Variants in CUL5 observed in about 807,000 individuals in gnomAD.
CUL5 encodes cullin-5.
Under a neutral mutation model 108.8 loss-of-function variants are expected in CUL5, and 26 were observed. The observed-to-expected ratio is 0.24, with a 90% CI of 0.18 to 0.33. The LOEUF is 0.33. CUL5 is among the 10% of genes least tolerant of loss of function. The pLI, the probability that CUL5 is intolerant of heterozygous loss-of-function variation, is 1.00. For missense variants in CUL5, 524 were observed against 909.2 expected (o/e 0.58, Z 5.45); for synonymous variants, 334 against 298.0 (o/e 1.12, Z -1.25).
At chr11:108,022,112 A>G (rs1313282599) in intron 1 of CUL5, among the ~76,000 whole-genome samples, 2 of 126,268 alleles carry the variant, frequency 1.6e-5, no homozygotes, top group African/African-American at 5.4e-5. Context: ...AATTATAGGC[A>G]TGAGCCCTCT....
At chr11:108,059,111 T>G (rs1048614938) in intron 7 of CUL5, among the ~76,000 whole-genome samples, 2 of 152,190 alleles carry the variant, frequency 1.3e-5, no homozygotes, top group African/African-American at 4.8e-5. Flanking sequence ...TTCCTGGCCT[T>G]CAGCAGTCTT....
At chr11:108,089,031 G>C (rs1465732179) in intron 12 of CUL5, among the ~76,000 whole-genome samples, 1 of 152,008 alleles carries the variant, frequency 6.6e-6, no homozygotes, top group Admixed American at 6.6e-5. Context: ...AATGAGAGTA[G>C]ATTAAGTAGT....
chr11:108,098,576 T>G (rs1163792401), intron 18 of CUL5, 47 bp downstream of exon 18: 4 of 1,228,650 alleles, frequency 3.3e-6, no homozygotes, highest in African/African-American at 1.6e-5. Context: ...AACTTTAGTT[T>G]TTTTTTTTTT....
intron 1 of CUL5, among the ~76,000 whole-genome samples, chr11:108,020,574 G>T (rs1267327094): frequency 6.6e-6 from 1 of 151,692 alleles, no homozygotes; most frequent in Non-Finnish European, 1.5e-5. Context: ...TAGAGACAGG[G>T]TCTCACCACG....
intron 2 of CUL5, among the ~76,000 whole-genome samples, chr11:108,045,598 A>T (rs1242510117): frequency 3.3e-5 from 5 of 152,128 alleles, no homozygotes; most frequent in African/African-American, 2.4e-5. Context: ...CATGGTGGCT[A>T]ACACTTTTAA....
At chr11:108,091,060 CT>C (rs1270464573) in intron 13 of CUL5, among the ~76,000 whole-genome samples, 1 of 150,946 alleles carries the variant, frequency 6.6e-6, no homozygotes, top group Non-Finnish European at 1.5e-5. Flanking sequence ...TTCTTTTTTT[CT>C]TTTTTTTGGA....
At chr11:108,059,509 C>A (rs2135151676) in intron 7 of CUL5, among the ~76,000 whole-genome samples, 1 of 152,204 alleles carries the variant, frequency 6.6e-6, no homozygotes, top group East Asian at 1.9e-4. Flanking sequence ...GGATTTGAAT[C>A]CCACAGATGT....
intron 1 of CUL5, among the ~76,000 whole-genome samples, chr11:108,011,253 C>T (rs1463867570): frequency 6.6e-6 from 1 of 152,144 alleles, no homozygotes; most frequent in Non-Finnish European, 1.5e-5. Flanking sequence ...GGAGAAGCTA[C>T]TTTGGTCTAT....
At position 108,090,494 on chromosome 11, in the gene CUL5, AAAAAT is replaced by A. The variant is rs202007296; in HGVS notation, c.1443+880_1443+884del. On this transcript the variant is annotated intron_variant, in intron 13 of 18. Coordinates refer to ENST00000393094, the MANE Select transcript of CUL5 (RefSeq NM_003478.6). ...TGACAGAGCAAGACTCCATCTCAAG[AAAAAT>A]AAAATAAATAAATAGACTGCAGGAC... Among the ~76,000 whole-genome samples, 1,335 of 152,294 alleles carry A rather than the reference AAAAAT, an allele frequency of 8.8e-3. 6 individuals are homozygous for A. Among genetic ancestry groups the A allele is most frequent in the Non-Finnish European group, 0.012 (838 of 68,024 alleles).
At chr11:108,062,317 C>T (rs1244496858) in intron 7 of CUL5, among the ~76,000 whole-genome samples, 1 of 151,924 alleles carries the variant, frequency 6.6e-6, no homozygotes, top group Non-Finnish European at 1.5e-5. Flanking sequence ...GGTAAAAGTC[C>T]CTGAACCTTT....
chr11:108,030,570 G>A lies in CUL5; in HGVS notation c.25-3232G>A, dbSNP rs1862555952. On this transcript the variant is annotated intron_variant, in intron 1 of 18. Coordinates refer to ENST00000393094, the MANE Select transcript of CUL5 (RefSeq NM_003478.6). ...GAGAATCGCTTGAACCCGGGAGGCG[G>A]AGGTTGCGGTGAGCTGAGATCGTGC... is the stretch of plus-strand genomic sequence containing the variant. 1.3e-5 allele frequency among the ~76,000 whole-genome samples: 2 copies of A among 152,212 alleles called. 1 individual carries two copies. Among genetic ancestry groups the A allele is most frequent in the South Asian group, 4.1e-4 (2 of 4,826 alleles).
chr11:108,057,543 ATC>A (rs1378823758), intron 7 of CUL5, among the ~76,000 whole-genome samples: 3 of 152,174 alleles, frequency 2.0e-5, no homozygotes, highest in Non-Finnish European at 4.4e-5. Context: ...AAAATGTGTA[ATC>A]TTACTGTAAT....
chr11:108,050,324 C>A (rs890141052), intron 4 of CUL5, among the ~76,000 whole-genome samples: 3 of 151,428 alleles, frequency 2.0e-5, no homozygotes, highest in African/African-American at 7.3e-5. Context: ...TTACTTTCTC[C>A]TTCTCCTGGT....
intron 1 of CUL5, among the ~76,000 whole-genome samples, chr11:108,011,604 A>C (rs975927419): frequency 1.3e-5 from 2 of 152,104 alleles, no homozygotes; most frequent in South Asian, 2.1e-4. Flanking sequence ...CATAAAAAAA[A>C]CCACCAGCTT....
chr11:108,068,054 G>C, intron 7 of CUL5, among the ~76,000 whole-genome samples: 1 of 151,810 alleles, frequency 6.6e-6, no homozygotes, highest in East Asian at 1.9e-4. Flanking sequence ...TCAGCCTCCC[G>C]AGTAGCTGGG....
chr11:108,015,040 C>A (rs542557358), intron 1 of CUL5, among the ~76,000 whole-genome samples: 3 of 152,114 alleles, frequency 2.0e-5, no homozygotes, highest in Admixed American at 6.5e-5. Flanking sequence ...TTGGGATTAC[C>A]GGTGACCACC....
At chr11:108,075,633 T>C (rs1863923205) in intron 10 of CUL5, among the ~76,000 whole-genome samples, 1 of 152,156 alleles carries the variant, frequency 6.6e-6, no homozygotes, top group Non-Finnish European at 1.5e-5. Flanking sequence ...ACTCCTGGGC[T>C]CAAGCAATCC....
intron 13 of CUL5, among the ~76,000 whole-genome samples, chr11:108,090,332 C>CA (rs1246055586): frequency 6.6e-6 from 1 of 151,434 alleles, no homozygotes; most frequent in Non-Finnish European, 1.5e-5. Flanking sequence ...ATTAAAAATA[C>CA]AAAAAAATTA....
At chr11:108,054,243 C>A (rs1863315845) in intron 5 of CUL5, among the ~76,000 whole-genome samples, 1 of 152,188 alleles carries the variant, frequency 6.6e-6, no homozygotes, top group Non-Finnish European at 1.5e-5. Flanking sequence ...ATTAACCTTG[C>A]AATCCACTTA....
Sources: allele counts gnomAD v4.1 joint callset (sites outside exome capture counted in the v4.1 genomes callset), GRCh38; gene constraint gnomAD v4.1.1; transcripts MANE v1.5; gene names NCBI Gene and HGNC (gene_info 2026-07-23, HGNC 2026-07-21).